Variants in AFTPH observed in about 807,000 individuals in gnomAD.
AFTPH encodes aftiphilin.
A neutral mutation model predicts 72.5 loss-of-function variants in AFTPH; 7 were observed. The ratio of observed to expected loss-of-function variants is 0.10; its 90% CI spans 0.05 to 0.18. The LOEUF (loss-of-function observed/expected upper bound fraction) is 0.18, where lower values mean the gene tolerates loss of function less well. AFTPH is among the 10% of genes least tolerant of loss of function. The pLI is 1.00. For synonymous variants in AFTPH, 337 were observed against 370.1 expected (o/e 0.91, Z 1.03); for missense variants, 979 against 1,060.5 (o/e 0.92, Z 1.07).
exon 2 of AFTPH, chr2:64,552,857 T>C (rs1409316851): frequency 3.1e-6 from 5 of 1,614,242 alleles, no homozygotes; most frequent in Non-Finnish European, 4.2e-6. Context: ...ATGCCACTTT[T>C]GAAGAGTCTT....
At chr2:64,585,659 TAA>T in intron 8 of AFTPH, 114 bp downstream of exon 9, 1 of 1,211,074 alleles carries the variant, frequency 8.3e-7, no homozygotes, top group Non-Finnish European at 1.1e-6. Context: ...ACTTGCTTTA[TAA>T]AAGTCAGTCG....
At chr2:64,554,767 TATG>T (rs1458676573) in intron 2 of AFTPH, among the ~76,000 whole-genome samples, 1 of 152,248 alleles carries the variant, frequency 6.6e-6, no homozygotes, top group African/African-American at 2.4e-5. Context: ...GTGAACTAAT[TATG>T]ATGCTAAATG....
In AFTPH at chr2:64,542,231, TTAG is replaced by T. The variant is rs1670297296; in HGVS notation, c.-32-9211_-32-9209del. On this transcript the variant is annotated intron_variant, in intron 1 of 8. Coordinates refer to ENST00000238856, the Ensembl canonical transcript of AFTPH. Reference sequence around the variant, plus strand: ...GAAAGATTGCTAGAGGGCCTCTTACTTAGAGACACTCCACCCCCCTCAAATGTG... The same window carrying T: ...GAAAGATTGCTAGAGGGCCTCTTACTAGACACTCCACCCCCCTCAAATGTG... 3.3e-5 allele frequency among the ~76,000 whole-genome samples: 5 copies of T among 152,122 alleles called. No individual in the cohort carries two copies. The South Asian group carries it at 1.0e-3, about 32-fold the overall frequency.
intron 1 of AFTPH, among the ~76,000 whole-genome samples, chr2:64,548,433 A>AAAAAAAAAAAAAAAAAAAC (rs1243472946): frequency 1.9e-5 from 2 of 102,608 alleles, no homozygotes; most frequent in Non-Finnish European, 4.3e-5. Context: ...AAAAAAAAAA[A>AAAAAAAAAAAAAAAAAAAC]AACTTTAGAA....
chr2:64,590,225 T>C (rs560496063), intron 8 of AFTPH, among the ~76,000 whole-genome samples: 1 of 152,222 alleles, frequency 6.6e-6, no homozygotes, highest in Non-Finnish European at 1.5e-5. Flanking sequence ...CAGTAGCTTA[T>C]ATAAAGATTA....
intron 1 of AFTPH, among the ~76,000 whole-genome samples, chr2:64,536,951 C>CAAAAAAAAAAA (rs70937353): frequency 1.2e-5 from 1 of 81,796 alleles, no homozygotes; most frequent in Non-Finnish European, 2.5e-5. Context: ...GACTCTGTCT[C>CAAAAAAAAAAA]AAAAAAAAAA....
intron 2 of AFTPH, among the ~76,000 whole-genome samples, chr2:64,555,992 T>TTTTTTTTTTTTTC (rs1284241655): frequency 6.7e-6 from 1 of 149,282 alleles, no homozygotes; most frequent in African/African-American, 2.5e-5. Flanking sequence ...TTCCTCACTT[T>TTTTTTTTTTTTTC]TTTTTTTTTT....
chr2:64,554,401 GTAAC>G (rs1671237751), intron 2 of AFTPH, among the ~76,000 whole-genome samples: 1 of 152,158 alleles, frequency 6.6e-6, no homozygotes, highest in South Asian at 2.1e-4. Flanking sequence ...ATTGATATAT[GTAAC>G]TAACACCTGA....
intron 1 of AFTPH, among the ~76,000 whole-genome samples, chr2:64,535,320 G>T (rs897796258): frequency 3.3e-5 from 5 of 152,116 alleles, no homozygotes; most frequent in African/African-American, 9.7e-5. Context: ...AGATGTTTGG[G>T]TCTACCCATT....
rs115994586 is a variant in AFTPH at position 64,528,750 on chromosome 2, G to A, written c.-33+4138G>A. On this transcript the variant is annotated intron_variant, in intron 1 of 8. Transcript: ENST00000238856. ...TAGAATAGGGTGAACAAGTAGAAGA[G>A]TAGTACAAATTGTGATCAGAGTTAG... is the stretch of plus-strand genomic sequence containing the variant. 5.2e-3 allele frequency among the ~76,000 whole-genome samples: 798 copies of A among 152,266 alleles called. 10 individuals carry two copies. Among genetic ancestry groups the A allele is most frequent in the African/African-American group, 0.018 (765 of 41,542 alleles).
chr2:64,582,507 T>C (rs149723839), intron 7 of AFTPH, among the ~76,000 whole-genome samples: 23 of 152,346 alleles, frequency 1.5e-4, no homozygotes, highest in African/African-American at 5.0e-4. Context: ...AACCAATCTG[T>C]CTGGTTTTGA....
chr2:64,541,441 A>C (rs985139875), intron 1 of AFTPH, among the ~76,000 whole-genome samples: 6 of 152,180 alleles, frequency 3.9e-5, no homozygotes, highest in African/African-American at 1.4e-4. Flanking sequence ...AAAAACACCC[A>C]AAAAGAAAAA....
At chr2:64,590,969 A>T (rs1039930482) in intron 8 of AFTPH, among the ~76,000 whole-genome samples, 6 of 152,242 alleles carry the variant, frequency 3.9e-5, no homozygotes, top group Non-Finnish European at 7.3e-5. Context: ...ATAAAAGAGA[A>T]TTATTAGGCT....
exon 2 of AFTPH, chr2:64,552,024 A>T: frequency 6.2e-7 from 1 of 1,613,954 alleles, no homozygotes; most frequent in South Asian, 1.1e-5. Context: ...GATTCTAACA[A>T]ATGGGTTTGC....
At chr2:64,539,364 C>T (rs1670080340) in intron 1 of AFTPH, among the ~76,000 whole-genome samples, 2 of 151,864 alleles carry the variant, frequency 1.3e-5, no homozygotes, top group South Asian at 4.1e-4. Context: ...AAATTTTTGT[C>T]ATTTAGCTAG....
At chr2:64,571,730 A>G (rs146738903) in intron 5 of AFTPH, among the ~76,000 whole-genome samples, 105 of 152,228 alleles carry the variant, frequency 6.9e-4, no homozygotes, top group African/African-American at 2.4e-3. Context: ...GTTAAGGGTG[A>G]TTTTGTCTAG....
At chr2:64,548,738 A>C (rs749831868) in intron 1 of AFTPH, among the ~76,000 whole-genome samples, 11 of 152,214 alleles carry the variant, frequency 7.2e-5, no homozygotes, top group African/African-American at 1.7e-4. Context: ...TACACTAATT[A>C]GAAGGGGTTA....
intron 2 of AFTPH, among the ~76,000 whole-genome samples, chr2:64,563,331 ATTTTTGAAAAACAAATTTGAAACCT>A (rs1390927886): frequency 6.6e-6 from 1 of 152,214 alleles, no homozygotes; most frequent in Non-Finnish European, 1.5e-5. Flanking sequence ...CCCCCAAAAA[ATTTTTGAAAAACAAATTTGAAACCT>A]TTGCCACTCT....
intron 1 of AFTPH, among the ~76,000 whole-genome samples, chr2:64,539,124 A>C (rs11904370): frequency 0.017 from 2,657 of 152,284 alleles, 62 homozygotes; most frequent in African/African-American, 0.061. Flanking sequence ...CAAGAAACTT[A>C]CTTTAAAGCA....
Sources: allele counts gnomAD v4.1 joint callset (sites outside exome capture counted in the v4.1 genomes callset), GRCh38; gene constraint gnomAD v4.1.1; transcripts MANE v1.5; gene names NCBI Gene and HGNC (gene_info 2026-07-23, HGNC 2026-07-21).